Variants in KLF12 observed in about 807,000 individuals in gnomAD.
KLF12 encodes the protein KLF transcription factor 12, also known as Krueppel-like factor 12.
A neutral mutation model predicts 37.8 loss-of-function variants in KLF12; 9 were observed. The observed-to-expected ratio is 0.24, with a 90% CI of 0.14 to 0.42. The LOEUF (loss-of-function observed/expected upper bound fraction) is 0.42. KLF12 is among the 10% of genes least tolerant of loss of function. The pLI, the probability that KLF12 is intolerant of heterozygous loss-of-function variation, is 1.00. For synonymous variants in KLF12, 208 were observed against 202.1 expected, an observed-to-expected ratio of 1.03 and a Z score of -0.25; for missense variants, 411 against 516.0, an observed-to-expected ratio of 0.80 and a Z score of 1.97.
intron 3 of KLF12, among the ~76,000 whole-genome samples, chr13:73,925,112 G>C (rs1464489420): frequency 6.6e-6 from 1 of 152,210 alleles, no homozygotes; most frequent in Non-Finnish European, 1.5e-5. Context: ...AAAAGCTGTG[G>C]CAAGTTATCT....
chr13:73,979,601 A>T (rs1054759477), intron 2 of KLF12, among the ~76,000 whole-genome samples: 1 of 152,250 alleles, frequency 6.6e-6, no homozygotes, highest in African/African-American at 2.4e-5. Context: ...GAAATTGTCA[A>T]ATCCTTGGTA....
intron 6 of KLF12, among the ~76,000 whole-genome samples, chr13:73,729,031 C>A (rs1876867852): frequency 6.6e-6 from 1 of 152,182 alleles, no homozygotes; most frequent in African/African-American, 2.4e-5. Context: ...ATATTTGTAA[C>A]CTCAGTTCTG....
intron 2 of KLF12, among the ~76,000 whole-genome samples, chr13:73,985,715 T>C (rs373603056): frequency 4.2e-4 from 64 of 152,320 alleles, no homozygotes; most frequent in African/African-American, 1.4e-3. Flanking sequence ...TGTGAAGCTA[T>C]TAAAACTGCA....
chr13:73,702,564 C>T (rs1361113225), intron 7 of KLF12, among the ~76,000 whole-genome samples: 1 of 152,164 alleles, frequency 6.6e-6, no homozygotes, highest in Non-Finnish European at 1.5e-5. Context: ...ATCAGCTTCT[C>T]TATTATTTTC....
intron 4 of KLF12, among the ~76,000 whole-genome samples, chr13:73,839,749 C>A (rs921277330): frequency 5.9e-5 from 9 of 152,096 alleles, no homozygotes; most frequent in Admixed American, 4.6e-4. Context: ...CTGCATCTTG[C>A]AGTAATTAAT....
At chr13:74,095,104 A>G (rs1297211752) in intron 1 of KLF12, among the ~76,000 whole-genome samples, 1 of 152,182 alleles carries the variant, frequency 6.6e-6, no homozygotes, top group Non-Finnish European at 1.5e-5. Flanking sequence ...TGATACAATA[A>G]AGTCTGCATT....
At chr13:74,042,578 A>T (rs1893436310) in intron 1 of KLF12, among the ~76,000 whole-genome samples, 1 of 152,176 alleles carries the variant, frequency 6.6e-6, no homozygotes, top group East Asian at 1.9e-4. Context: ...AAATCACTGG[A>T]GTTAGGACCA....
At chr13:73,723,691 T>C (rs562853159) in intron 6 of KLF12, among the ~76,000 whole-genome samples, 4 of 152,306 alleles carry the variant, frequency 2.6e-5, no homozygotes, top group Non-Finnish European at 5.9e-5. Flanking sequence ...TCATGCTAAA[T>C]TTTAAAAATA....
intron 3 of KLF12, among the ~76,000 whole-genome samples, chr13:73,930,196 GC>G (rs1355395875): frequency 6.6e-5 from 10 of 152,162 alleles, no homozygotes; most frequent in African/African-American, 2.4e-4. Flanking sequence ...AATTGCAAGT[GC>G]CAGAAACTTG....
chr13:73,727,972 C>T (rs1463700374), intron 6 of KLF12, among the ~76,000 whole-genome samples: 1 of 152,216 alleles, frequency 6.6e-6, no homozygotes, highest in Non-Finnish European at 1.5e-5. Flanking sequence ...GCTGGGATTA[C>T]AGGCGTGTGC....
chr13:73,800,158 C>A (rs975321827), intron 5 of KLF12: 2 of 151,932 alleles, frequency 1.3e-5, no homozygotes, highest in Non-Finnish European at 2.9e-5. Flanking sequence ...TTTGTTTATT[C>A]TCCTAGAATA....
chr13:74,265,749 C>T, the KLF12 span, among the ~76,000 whole-genome samples: 1 of 152,120 alleles, frequency 6.6e-6, no homozygotes, highest in Non-Finnish European at 1.5e-5. Flanking sequence ...ATACTCTAGA[C>T]AACTGGCTAA....
chr13:74,289,454 C>G, the KLF12 span, among the ~76,000 whole-genome samples: 1 of 152,210 alleles, frequency 6.6e-6, no homozygotes, highest in African/African-American at 2.4e-5. Flanking sequence ...AGCTTAGCTA[C>G]ATGCAGGCAG....
At chr13:73,870,061 T>C (rs1212415977) in intron 3 of KLF12, among the ~76,000 whole-genome samples, 1 of 152,218 alleles carries the variant, frequency 6.6e-6, no homozygotes, top group African/African-American at 2.4e-5. Flanking sequence ...ATTTAAGGCA[T>C]TGTAAGTCAG....
At chr13:74,264,676 C>T in the KLF12 span, among the ~76,000 whole-genome samples, 2 of 152,086 alleles carry the variant, frequency 1.3e-5, no homozygotes, top group Non-Finnish European at 2.9e-5. Context: ...CCTCTTTCCC[C>T]CATTTTCATT....
At chr13:74,231,076 C>A in the KLF12 span, among the ~76,000 whole-genome samples, 2 of 151,112 alleles carry the variant, frequency 1.3e-5, no homozygotes, top group African/African-American at 2.4e-5. Context: ...AGTGTATAAA[C>A]CAAGTATCTC....
chr13:73,726,151 C>T (rs1876652843), intron 6 of KLF12, among the ~76,000 whole-genome samples: 1 of 152,116 alleles, frequency 6.6e-6, no homozygotes. Context: ...CCGTGCCCAG[C>T]TTCAAGTGGG....
intron 1 of KLF12, among the ~76,000 whole-genome samples, chr13:74,070,980 C>T (rs1187470255): frequency 6.6e-6 from 1 of 152,108 alleles, no homozygotes; most frequent in Non-Finnish European, 1.5e-5. Flanking sequence ...TAACACAACA[C>T]AAATATCAAC....
chr13:73,940,221 A>T (rs964813125), intron 3 of KLF12, among the ~76,000 whole-genome samples: 19 of 152,314 alleles, frequency 1.2e-4, no homozygotes, highest in African/African-American at 4.3e-4. Context: ...TAACAGCAGG[A>T]CGCACGCACC....
Sources: gnomAD v4.1 joint callset for allele counts (sites outside exome capture counted in the v4.1 genomes callset) on GRCh38, gnomAD v4.1.1 for gene constraint, MANE v1.5 for transcripts, NCBI Gene and HGNC (gene_info 2026-07-23, HGNC 2026-07-21) for gene names.